Variants in TENM3 observed in about 807,000 individuals in gnomAD.
TENM3 encodes teneurin-3.
TENM3 carries 63 observed loss-of-function variants against 255.1 expected under a neutral mutation model. The ratio of observed to expected loss-of-function variants is 0.25; its 90% CI spans 0.20 to 0.30. The LOEUF (loss-of-function observed/expected upper bound fraction) is 0.30. TENM3 is among the 10% of genes least tolerant of loss of function. The pLI, the probability that TENM3 is intolerant of heterozygous loss-of-function variation, is 1.00. For missense variants in TENM3, 2,929 were observed against 3,461.1 expected, an observed-to-expected ratio of 0.85 and a Z score of 3.86; for synonymous variants, 1,306 against 1,322.3, an observed-to-expected ratio of 0.99 and a Z score of 0.27.
chr4:182,673,332 A>G, intron 7 of TENM3, 113 bp downstream of exon 7: 1 of 684,600 alleles, frequency 1.5e-6, no homozygotes, highest in South Asian at 2.1e-5. Context: ...TTTTGAATCG[A>G]CTTTCTACAG....
At chr4:182,385,375 C>T (rs1767846145) in intron 3 of TENM3, among the ~76,000 whole-genome samples, 1 of 150,080 alleles carries the variant, frequency 6.7e-6, no homozygotes, top group Non-Finnish European at 1.5e-5. Context: ...AGCGATTCTC[C>T]TGTCTCAGCC....
chr4:181,897,358 G>C, the TENM3 span, among the ~76,000 whole-genome samples: 1 of 152,140 alleles, frequency 6.6e-6, no homozygotes, highest in African/African-American at 2.4e-5. Flanking sequence ...ATACTAAAGA[G>C]CATGAAATGT....
intron 3 of TENM3, among the ~76,000 whole-genome samples, chr4:182,557,014 T>G (rs985483631): frequency 6.6e-6 from 1 of 152,228 alleles, no homozygotes; most frequent in East Asian, 1.9e-4. Context: ...TAATGTGTAC[T>G]GAAAACCAGT....
intron 1 of TENM3, among the ~76,000 whole-genome samples, chr4:182,161,957 GTGTATATATATATATA>G (rs1244992414): frequency 0.26 from 11,089 of 43,022 alleles, 2,747 homozygotes; most frequent in Middle Eastern, 0.42. Flanking sequence ...GTGTGTGTGT[GTGTATATATATATATA>G]TATATATATA....
the TENM3 span, among the ~76,000 whole-genome samples, chr4:181,770,548 GCCTGTAGT>G: frequency 4.4e-3 from 671 of 152,064 alleles, 6 homozygotes; most frequent in African/African-American, 0.014. Context: ...GGTGGCGGGT[GCCTGTAGT>G]CCCAGCTACT....
At chr4:181,954,503 T>C in the TENM3 span, among the ~76,000 whole-genome samples, 1 of 152,204 alleles carries the variant, frequency 6.6e-6, no homozygotes, top group Admixed American at 6.5e-5. Context: ...GACTTTAATT[T>C]GCATTTCTAT....
chr4:182,360,736 T>G (rs1036933237), intron 3 of TENM3, among the ~76,000 whole-genome samples: 1 of 152,088 alleles, frequency 6.6e-6, no homozygotes, highest in South Asian at 2.1e-4. Context: ...AAGTTAATAT[T>G]GTTATGTGTG....
chr4:181,802,906 A>C, the TENM3 span, among the ~76,000 whole-genome samples: 1 of 152,118 alleles, frequency 6.6e-6, no homozygotes, highest in Non-Finnish European at 1.5e-5. Flanking sequence ...CTGATATTTT[A>C]CTCCATTTGG....
At chr4:181,599,913 G>A in the TENM3 span, among the ~76,000 whole-genome samples, 49,461 of 151,884 alleles carry the variant, frequency 0.33, 9,541 homozygotes, top group Non-Finnish European at 0.42. Flanking sequence ...TAGACAATTC[G>A]CAATAACTTA....
At chr4:181,783,067 C>T in the TENM3 span, among the ~76,000 whole-genome samples, 8,728 of 152,038 alleles carry the variant, frequency 0.057, 457 homozygotes, top group African/African-American at 0.14. Flanking sequence ...GGAATAAGTG[C>T]GATGTGGTGC....
intron 11 of TENM3, 54 bp from the exon 12 acceptor site, chr4:182,688,112 T>C (rs1579115120): frequency 1.4e-6 from 2 of 1,459,738 alleles, no homozygotes; most frequent in Non-Finnish European, 1.8e-6. Context: ...TTAATTCCCC[T>C]TCTCTCTCCC....
chr4:181,986,262 C>G, the TENM3 span, among the ~76,000 whole-genome samples: 96 of 151,984 alleles, frequency 6.3e-4, 1 homozygote, highest in Non-Finnish European at 1.2e-3. Flanking sequence ...CATTTCTCCT[C>G]CTTCCTTTTT....
chr4:181,733,206 A>G, the TENM3 span, among the ~76,000 whole-genome samples: 1 of 152,214 alleles, frequency 6.6e-6, no homozygotes, highest in African/African-American at 2.4e-5. Context: ...CTGAAGACAG[A>G]TAAATGAAGA....
At chr4:182,523,192 TGTTG>T (rs1738768720) in intron 3 of TENM3, among the ~76,000 whole-genome samples, 1 of 140,450 alleles carries the variant, frequency 7.1e-6, no homozygotes, top group East Asian at 2.4e-4. Flanking sequence ...GTTTTGTTGT[TGTTG>T]TTGTTGTTGT....
At chr4:182,231,226 G>A (rs1756554240) in intron 1 of TENM3, among the ~76,000 whole-genome samples, 1 of 151,808 alleles carries the variant, frequency 6.6e-6, no homozygotes. Context: ...CTGAATGTTC[G>A]AGGGGGTCTA....
At chr4:182,412,415 T>C (rs971483071) in intron 3 of TENM3, among the ~76,000 whole-genome samples, 1 of 152,142 alleles carries the variant, frequency 6.6e-6, no homozygotes, top group African/African-American at 2.4e-5. Flanking sequence ...TCAAAATGTA[T>C]ATGCAAATTA....
intron 3 of TENM3, among the ~76,000 whole-genome samples, chr4:182,514,870 A>G (rs1021841626): frequency 3.3e-5 from 5 of 152,206 alleles, no homozygotes; most frequent in African/African-American, 9.7e-5. Flanking sequence ...TTATTGCTCC[A>G]TAGAATACCA....
At chr4:182,366,134 T>C (rs1399725682) in intron 3 of TENM3, among the ~76,000 whole-genome samples, 1 of 152,172 alleles carries the variant, frequency 6.6e-6, no homozygotes, top group Non-Finnish European at 1.5e-5. Context: ...TTATATATTA[T>C]GAATCTTATT....
chr4:182,423,610 T>C (rs936647930), intron 3 of TENM3, among the ~76,000 whole-genome samples: 2 of 152,180 alleles, frequency 1.3e-5, no homozygotes, highest in Non-Finnish European at 2.9e-5. Flanking sequence ...AAATACTCTT[T>C]TTTAAAAAAA....
Sources: gnomAD v4.1 joint callset for allele counts (sites outside exome capture counted in the v4.1 genomes callset) on GRCh38, gnomAD v4.1.1 for gene constraint, MANE v1.5 for transcripts, NCBI Gene and HGNC (gene_info 2026-07-23, HGNC 2026-07-21) for gene names.